ZPR1: variants seen among roughly 807,000 people sequenced by gnomAD.
ZPR1 encodes ZPR1 zinc finger, also known as zinc finger protein ZPR1.
Under a neutral mutation model 59.6 loss-of-function variants are expected in ZPR1, and 37 were observed. That is an observed-to-expected ratio of 0.62 (90% CI 0.48 to 0.82). ZPR1 has a LOEUF of 0.82. Ranked by LOEUF, ZPR1 falls within the 40% of genes least tolerant of loss-of-function variation. ZPR1 has a pLI of 0.00. For synonymous variants in ZPR1, 191 were observed against 215.2 expected, an observed-to-expected ratio of 0.89 and a Z score of 0.99; for missense variants, 527 against 579.9, an observed-to-expected ratio of 0.91 and a Z score of 0.94.
chr11:116,787,370 C>T (rs1163327163), intron 2 of ZPR1, 112 bp downstream of exon 2: 2 of 1,140,598 alleles, frequency 1.8e-6, no homozygotes, highest in Non-Finnish European at 2.5e-6. Context: ...GAAACTAAGG[C>T]TAGGAGACAT....
rs1205624840 is a variant in ZPR1, at chr11:116,776,857, G to C, written c.*2068C>G. ...AAATGATAGATCAGAGGGTTGTCTGGTAAACTTAGATTCCCAAGTCAGCTG... is the reference window on the plus strand; with the variant it reads ...AAATGATAGATCAGAGGGTTGTCTGCTAAACTTAGATTCCCAAGTCAGCTG... On this transcript the variant is annotated 3_prime_UTR_variant, in exon 14 of 14. Coordinates refer to ENST00000227322, the MANE Select transcript of ZPR1 (RefSeq NM_003904.5). The C allele has an allele frequency of 6.6e-6, 1 of 152,236 alleles. No individual in the cohort carries two copies. Among genetic ancestry groups the C allele is most frequent in the Non-Finnish European group, 1.5e-5 (1 of 68,060 alleles). 9.4% of individuals were successfully genotyped at this position (152,236 alleles called of 1,614,324 possible).
chr11:116,779,787 T>C lies in ZPR1; in HGVS notation c.1230A>G (p.Gly410=). 1 of 1,605,984 alleles carries C rather than the reference T, an allele frequency of 6.2e-7. No individual in the cohort carries two copies. Among genetic ancestry groups the C allele is most frequent in the African/African-American group, 1.3e-5 (1 of 74,716 alleles). The change falls in exon 13 of 14, where the codon GGA becomes GGG. Residue 410 remains glycine, a synonymous_variant. Coordinates refer to ENST00000227322, the MANE Select transcript of ZPR1 (RefSeq NM_003904.5). Reference sequence around the variant, plus strand: ...TCTACTATACCTGCAAGTAACTGTTTCCTGCTGGATCATCCATAATAAAGT... The same window carrying C: ...TCTACTATACCTGCAAGTAACTGTTCCCTGCTGGATCATCCATAATAAAGT... ...KAHFIMDDPA[G]NSYLQNVYAP...
rs999227384 is a variant in ZPR1, at chr11:116,782,831, C to T, written c.1092+88G>A. ...CAAAGAAACCCACAGTTACCAGCAC[C>T]GAAAATTAGGATGTCTGAAGTCTTC... On this transcript the variant is annotated intron_variant, in intron 11 of 13. Coordinates refer to ENST00000227322, the MANE Select transcript of ZPR1 (RefSeq NM_003904.5). 1.6e-5 allele frequency: 17 copies of T among 1,070,624 alleles called. No individual in the cohort carries two copies. In the East Asian group the frequency reaches 1.7e-4, roughly 11 times the overall value. The allele number at this position is 1,070,624 out of a possible 1,614,324, so 66.3% of individuals were successfully genotyped here.
intron 11 of ZPR1, among the ~76,000 whole-genome samples, chr11:116,782,503 T>A (rs1388658288): frequency 6.6e-6 from 1 of 152,102 alleles, no homozygotes; most frequent in Non-Finnish European, 1.5e-5. Context: ...GGAGAAGAAA[T>A]GCAAAGAAAA....
At chr11:116,782,119 C>A in intron 12 of ZPR1, 39 bp downstream of exon 12, 2 of 1,531,770 alleles carry the variant, frequency 1.3e-6, no homozygotes, top group Non-Finnish European at 1.8e-6. Context: ...TCACTGGAGC[C>A]CCAGGATTCT....
Position 116,784,366 on chromosome 11 carries a change from G to T in ZPR1, c.891+12C>A. ...AAGCTAGTCTTCTTCCCAAATAATGGCGCCCACCCACCTCATTGGTCCGAT... is the reference window on the plus strand; with the variant it reads ...AAGCTAGTCTTCTTCCCAAATAATGTCGCCCACCCACCTCATTGGTCCGAT... On this transcript the variant is annotated intron_variant, in intron 9 of 13. Coordinates refer to ENST00000227322, the MANE Select transcript of ZPR1 (RefSeq NM_003904.5). 6.2e-7 allele frequency: 1 copy of T among 1,613,744 alleles called. No individual in the cohort carries two copies. Among genetic ancestry groups the T allele is most frequent in the Non-Finnish European group, 8.5e-7 (1 of 1,179,920 alleles).
intron 6 of ZPR1, 71 bp downstream of exon 6, chr11:116,785,443 C>G: frequency 1.3e-6 from 2 of 1,578,728 alleles, no homozygotes; most frequent in Non-Finnish European, 1.7e-6. Context: ...AAAATAAGTT[C>G]CACTGACTCC....
intron 12 of ZPR1, among the ~76,000 whole-genome samples, chr11:116,780,961 T>G (rs190214425): frequency 2.8e-4 from 42 of 152,280 alleles, no homozygotes; most frequent in Middle Eastern, 3.4e-3. Context: ...ATTTAAAAAA[T>G]AATAATCCTC....
Position 116,777,028 on chromosome 11 carries a change from G to C in ZPR1, c.*1897C>G, listed in dbSNP as rs895068043. 3 of 152,164 alleles carry C rather than the reference G, an allele frequency of 2.0e-5. No individual in the cohort carries two copies. The highest frequency in any genetic ancestry group is 1.3e-4 in the Admixed American group (2 of 15,282). The allele number at this position is 152,164 out of a possible 1,614,324, so 9.4% of individuals were successfully genotyped here. A position where few individuals can be genotyped will look rare whatever the true frequency, so the allele number is the denominator to read the frequency against. ...CTCTCGCCCTCACTTACAGAAATTA[G>C]AGATACAGGTATGGAAGTTAGTCCC... On this transcript the variant is annotated 3_prime_UTR_variant, in exon 14 of 14. Transcript: ENST00000227322.
chr11:116,784,360 A>G lies in ZPR1; in HGVS notation c.891+18T>C, dbSNP rs1940853876. On this transcript the variant is annotated intron_variant, in intron 9 of 13. Coordinates refer to ENST00000227322, the MANE Select transcript of ZPR1 (RefSeq NM_003904.5). Reference sequence around the variant, plus strand: ...ACCCTTAAGCTAGTCTTCTTCCCAAATAATGGCGCCCACCCACCTCATTGG... The same window carrying G: ...ACCCTTAAGCTAGTCTTCTTCCCAAGTAATGGCGCCCACCCACCTCATTGG... 1 of 1,613,610 alleles carries G rather than the reference A, an allele frequency of 6.2e-7. No homozygotes were observed. The highest frequency in any genetic ancestry group is 8.5e-7 in the Non-Finnish European group (1 of 1,179,910).
At chr11:116,783,154 G>T in intron 10 of ZPR1, 125 bp from the exon 11 acceptor site, 1 of 690,742 alleles carries the variant, frequency 1.4e-6, no homozygotes, top group Non-Finnish European at 2.5e-6. Context: ...AGTTTTCTCT[G>T]ACTCCCTTGT....
chr11:116,779,022 A>T lies in ZPR1; in HGVS notation c.1283T>A (p.Val428Glu). 1 of 1,614,178 alleles carries T rather than the reference A, an allele frequency of 6.2e-7. No homozygotes were observed. Among genetic ancestry groups the T allele is most frequent in the Non-Finnish European group, 8.5e-7 (1 of 1,180,038 alleles). ...GTCAAAGGTGCGCTTGTAACGCTCC[A>T]CCTTCATCTCAGGATCATCTTCAGG... ...YAPEDDPEMK[V>E]ERYKRTFDQN... The change falls in exon 14 of 14, where the codon GTG becomes GAG. Residue 428 changes from valine to glutamate, a missense_variant. Val to Glu is a moderately radical substitution (Grantham distance 121). Transcript: ENST00000227322.
At chr11:116,782,342 G>A (rs1940820556) in intron 11 of ZPR1, 98 bp from the exon 12 acceptor site, 2 of 1,039,556 alleles carry the variant, frequency 1.9e-6, no homozygotes, top group East Asian at 2.5e-5. Flanking sequence ...TGCCCTGTCA[G>A]GGAAACTTGG....
chr11:116,787,828 A>G lies in ZPR1; in HGVS notation c.163T>C (p.Tyr55His), dbSNP rs778384326. ...TEIESLCMNC[Y>H]CNGMTRLLLT... ...CCGCGCCCCCGCCTCACATTGCAGT[A>G]ACAGTTCATGCATAGCGACTCGATC... The change falls in exon 1 of 14, where the codon TAC (tyrosine) becomes CAC (histidine). Residue 55 changes from tyrosine (Y) to histidine (H), a missense_variant. By Grantham distance (83) the Tyr-to-His change is moderately conservative. Transcript: ENST00000227322. The G allele has an allele frequency of 1.9e-6, 3 of 1,556,910 alleles. No individual in the cohort carries two copies. The East Asian group carries it at 7.2e-5, about 38-fold the overall frequency.
chr11:116,785,082 T>A lies in ZPR1; in HGVS notation c.753+17A>T. On this transcript the variant is annotated intron_variant, in intron 7 of 13. Transcript: ENST00000227322. ...CACAACTCTGCTCCTTCCTCACCAGTAGCCAATGTGACTCACTTCATTTCT... is the reference window on the plus strand; with the variant it reads ...CACAACTCTGCTCCTTCCTCACCAGAAGCCAATGTGACTCACTTCATTTCT... 1 of 1,614,128 alleles carries A rather than the reference T, an allele frequency of 6.2e-7. No individual in the cohort carries two copies. The highest frequency in any genetic ancestry group is 1.3e-5 in the African/African-American group (1 of 75,046).
chr11:116,779,171 T>G (rs1162634814), intron 13 of ZPR1, 112 bp from the exon 14 acceptor site: 80 of 1,451,236 alleles, frequency 5.5e-5, no homozygotes, highest in Non-Finnish European at 7.2e-5. Context: ...TTTTTTCTTT[T>G]TATTGGCCTC....
At position 116,784,879 on chromosome 11, in the gene ZPR1, C is replaced by A. The variant is rs529843898; in HGVS notation, c.796G>T (p.Ala266Ser). The change falls in exon 8 of 14, where the codon GCT (alanine) becomes TCT (serine). Residue 266 changes from alanine to serine, a missense_variant. Coordinates refer to ENST00000227322, the MANE Select transcript of ZPR1 (RefSeq NM_003904.5). ...STNCPECNAP[A>S]QTNMKLVQIP... ...CGTACTAGCTTCATGTTGGTCTGAGCGGGGGCATTGCATTCTGGGCAGTTT... is the reference window on the plus strand; with the variant it reads ...CGTACTAGCTTCATGTTGGTCTGAGAGGGGGCATTGCATTCTGGGCAGTTT... 6.2e-7 allele frequency: 1 copy of A among 1,614,192 alleles called. No individual in the cohort carries two copies. The highest frequency in any genetic ancestry group is 1.1e-5 in the South Asian group (1 of 91,088).
chr11:116,785,694 C>T (rs1940875135), intron 5 of ZPR1, 58 bp from the exon 6 acceptor site: 1 of 1,613,594 alleles, frequency 6.2e-7, no homozygotes. Flanking sequence ...AATCCTACAT[C>T]ACCTACTATC....
At position 116,778,414 on chromosome 11, in the gene ZPR1, G is replaced by A. The variant is rs1430226391; in HGVS notation, c.*511C>T. The A allele has an allele frequency of 1.3e-5, 2 of 152,660 alleles. No individual in the cohort carries two copies. Among genetic ancestry groups the A allele is most frequent in the Non-Finnish European group, 2.9e-5 (2 of 68,350 alleles). The allele number at this position is 152,660 out of a possible 1,614,324, so 9.5% of individuals were successfully genotyped here. ...ATTCTAACAGCATGATATCAAACAA[G>A]GATAGGGTCAATACAGAGGCCAGTG... On this transcript the variant is annotated 3_prime_UTR_variant, in exon 14 of 14. Coordinates refer to ENST00000227322, the MANE Select transcript of ZPR1 (RefSeq NM_003904.5).
Sources: gnomAD v4.1 joint callset for allele counts (sites outside exome capture counted in the v4.1 genomes callset) on GRCh38, gnomAD v4.1.1 for gene constraint, MANE v1.5 for transcripts, NCBI Gene and HGNC (gene_info 2026-07-23, HGNC 2026-07-21) for gene names.